MAP3K20: variants seen among roughly 807,000 people sequenced by gnomAD.
MAP3K20 encodes mitogen-activated protein kinase kinase kinase 20.
Under a neutral mutation model 85.7 loss-of-function variants are expected in MAP3K20, and 40 were observed. That is an observed-to-expected ratio of 0.47 (90% CI 0.36 to 0.61). The LOEUF (loss-of-function observed/expected upper bound fraction) is 0.61. Among genes scored for constraint, MAP3K20 ranks in the 20% least tolerant of loss-of-function variants. MAP3K20 has a pLI of 0.00. For missense variants in MAP3K20, 817 were observed against 961.7 expected, an observed-to-expected ratio of 0.85 and a Z score of 1.99; for synonymous variants, 325 against 327.7, an observed-to-expected ratio of 0.99 and a Z score of 0.09.
intron 12 of MAP3K20, among the ~76,000 whole-genome samples, chr2:173,230,295 G>A (rs945009529): frequency 6.6e-6 from 1 of 152,016 alleles, no homozygotes; most frequent in Non-Finnish European, 1.5e-5. Context: ...GGCAGCTCGG[G>A]AAAACAAATG....
At chr2:173,088,585 G>A (rs1172667646) in intron 1 of MAP3K20, among the ~76,000 whole-genome samples, 2 of 152,214 alleles carry the variant, frequency 1.3e-5, no homozygotes, top group African/African-American at 2.4e-5. Flanking sequence ...GGGGAATGGG[G>A]AGACAGGAAA....
At chr2:173,151,566 AG>A (rs1689308847) in intron 2 of MAP3K20, among the ~76,000 whole-genome samples, 1 of 152,218 alleles carries the variant, frequency 6.6e-6, no homozygotes, top group Non-Finnish European at 1.5e-5. Context: ...CTGTATACAA[AG>A]GCCTAGGCAT....
chr2:173,078,852 T>C (rs185556094), intron 1 of MAP3K20, among the ~76,000 whole-genome samples: 38 of 152,312 alleles, frequency 2.5e-4, no homozygotes, highest in Non-Finnish European at 5.0e-4. Flanking sequence ...CATGATATGG[T>C]AGAAAACAAT....
At chr2:173,217,310 A>C in intron 11 of MAP3K20, 60 bp downstream of exon 11, 1 of 1,370,886 alleles carries the variant, frequency 7.3e-7, no homozygotes, top group Non-Finnish European at 9.5e-7. Context: ...GCAGCTGAGC[A>C]TGGCAGCATG....
chr2:173,158,234 A>T (rs1187568953), intron 2 of MAP3K20, among the ~76,000 whole-genome samples: 2 of 152,242 alleles, frequency 1.3e-5, no homozygotes. Context: ...AATACATGTT[A>T]GCTAGTATTA....
chr2:173,178,898 T>C (rs950599299), intron 3 of MAP3K20, among the ~76,000 whole-genome samples: 1 of 152,186 alleles, frequency 6.6e-6, no homozygotes, highest in African/African-American at 2.4e-5. Flanking sequence ...TTCTTAATCA[T>C]ATTAGCATAC....
rs61431056 is a variant in MAP3K20 at position 173,085,784 on chromosome 2, A to ATTTTTTTTTT, written c.-34-5194_-34-5185dup. ...AAATTGCCTTTTTTGTGTAAAAGCAATTTTTTTTTTTTTTTTTTTTTTTTT... is the reference window on the plus strand; with the variant it reads ...AAATTGCCTTTTTTGTGTAAAAGCAATTTTTTTTTTTTTTTTTTTTTTTTTTTTTTTTTTT... On this transcript the variant is annotated intron_variant, in intron 1 of 19. Transcript: ENST00000375213. 1.2e-3 allele frequency among the ~76,000 whole-genome samples: 88 copies of ATTTTTTTTTT among 73,758 alleles called. 7 individuals are homozygous for ATTTTTTTTTT. The highest frequency in any genetic ancestry group is 1.7e-3 in the Non-Finnish European group (70 of 42,064). The allele number at this position is 73,758 out of a possible 152,430, so 48.4% of individuals were successfully genotyped here.
intron 7 of MAP3K20, among the ~76,000 whole-genome samples, chr2:173,192,267 T>C (rs1690678341): frequency 6.6e-6 from 1 of 152,220 alleles, no homozygotes; most frequent in Non-Finnish European, 1.5e-5. Context: ...CAGACCTGTT[T>C]TGTTTTGTTT....
chr2:173,137,108 A>G (rs1051925060), intron 2 of MAP3K20, among the ~76,000 whole-genome samples: 4 of 152,218 alleles, frequency 2.6e-5, no homozygotes, highest in Non-Finnish European at 5.9e-5. Context: ...TGTGAACTTT[A>G]CGTGGGAAAA....
chr2:173,238,410 T>C lies in MAP3K20; in HGVS notation c.1241T>C (p.Leu414Ser). Residue 414 changes from leucine to serine, a missense_variant, in exon 15 of 20, where the codon TTG (leucine) becomes TCG (serine). Leu to Ser is a moderately radical substitution (Grantham distance 145, BLOSUM62 -2). Around this residue, in one of 4 missense-constraint regions of MAP3K20, gnomAD observed 454 missense variants for 476.9 expected, o/e 0.95. Coordinates refer to ENST00000375213, the MANE Select transcript of MAP3K20 (RefSeq NM_016653.3). Reference sequence around the variant, plus strand: ...AAATTAACCCATGATTACATAAATTTGTTTCACTTCCCACCACTAATTAAG... The same window carrying C: ...AAATTAACCCATGATTACATAAATTCGTTTCACTTCCCACCACTAATTAAG... Reference protein sequence around the residue: ...IEKLTHDYINLFHFPPLIKDS... With the variant: ...IEKLTHDYINSFHFPPLIKDS... 1 of 1,613,156 alleles carries C rather than the reference T, an allele frequency of 6.2e-7. No individual in the cohort carries two copies. Among genetic ancestry groups the C allele is most frequent in the Admixed American group, 1.7e-5 (1 of 59,772 alleles).
intron 2 of MAP3K20, among the ~76,000 whole-genome samples, chr2:173,156,534 A>T (rs1321240978): frequency 6.6e-6 from 1 of 152,160 alleles, no homozygotes; most frequent in African/African-American, 2.4e-5. Context: ...GGATGGTTTC[A>T]GGATAAAACT....
At chr2:173,122,177 A>G (rs541725921) in intron 2 of MAP3K20, among the ~76,000 whole-genome samples, 2 of 152,376 alleles carry the variant, frequency 1.3e-5, no homozygotes, top group East Asian at 3.9e-4. Flanking sequence ...TTCTGATTAC[A>G]GACAAAGCGA....
chr2:173,124,796 G>A (rs1279793542), intron 2 of MAP3K20, among the ~76,000 whole-genome samples: 3 of 152,120 alleles, frequency 2.0e-5, no homozygotes, highest in Non-Finnish European at 4.4e-5. Flanking sequence ...CCTCTGCTAC[G>A]ACCCTTCCAT....
At chr2:173,091,575 C>T (rs534086880) in intron 2 of MAP3K20, among the ~76,000 whole-genome samples, 1 of 152,300 alleles carries the variant, frequency 6.6e-6, no homozygotes, top group East Asian at 1.9e-4. Context: ...TCCATTTTCT[C>T]TGCTTGAACT....
chr2:173,254,984 C>A (rs891591176), intron 16 of MAP3K20, among the ~76,000 whole-genome samples: 9 of 152,176 alleles, frequency 5.9e-5, no homozygotes, highest in Admixed American at 3.9e-4. Context: ...ACAAGCAGAA[C>A]CTACTTTTTA....
chr2:173,118,071 C>T (rs1286169815), intron 2 of MAP3K20, among the ~76,000 whole-genome samples: 1 of 152,210 alleles, frequency 6.6e-6, no homozygotes, highest in Non-Finnish European at 1.5e-5. Context: ...AAGCATACTA[C>T]CTGAGCCAGC....
intron 2 of MAP3K20, among the ~76,000 whole-genome samples, chr2:173,120,767 G>A (rs774408413): frequency 3.8e-4 from 52 of 137,020 alleles, no homozygotes; most frequent in Admixed American, 1.1e-3. Context: ...GAGTGCAGTG[G>A]CATGATCTCG....
chr2:173,196,063 A>G (rs1375982232), intron 7 of MAP3K20, among the ~76,000 whole-genome samples: 1 of 116,586 alleles, frequency 8.6e-6, no homozygotes, highest in African/African-American at 2.9e-5. Flanking sequence ...CAGTCTGTGC[A>G]TGTGTGCACA....
At position 173,263,782 on chromosome 2, in the gene MAP3K20, A is replaced by G. The variant is rs2106358860; in HGVS notation, c.1589A>G (p.His530Arg). 1.2e-6 allele frequency: 2 copies of G among 1,612,668 alleles called. No individual in the cohort carries two copies. The highest frequency in any genetic ancestry group is 1.1e-5 in the South Asian group (1 of 90,650). ...ACTCCAAAAAGCACTAAACATGTCC[A>G]TTCGATTCAGTGGAGTAGAACAAAA... ...VRTPKSTKHV[H>R]SIQWSRTKPQ... Residue 530 changes from histidine (H) to arginine (R), a missense_variant, in exon 19 of 20, where the codon CAT (histidine) becomes CGT (arginine). Around this residue, in one of 4 missense-constraint regions of MAP3K20, gnomAD observed 454 missense variants for 476.9 expected, o/e 0.95. Coordinates refer to ENST00000375213, the MANE Select transcript of MAP3K20 (RefSeq NM_016653.3).
Sources: allele counts gnomAD v4.1 joint callset (sites outside exome capture counted in the v4.1 genomes callset), GRCh38; gene constraint gnomAD v4.1.1; regional missense constraint gnomAD v4.1.1; transcripts MANE v1.5; gene names NCBI Gene and HGNC (gene_info 2026-07-23, HGNC 2026-07-21).